The following FBXL17 variants were observed in gnomAD, a reference collection of about 807,000 sequenced individuals.
The protein encoded by FBXL17 is F-box and leucine rich repeat protein 17.
FBXL17 carries 22 observed loss-of-function variants against 66.2 expected under a neutral mutation model. The ratio of observed to expected loss-of-function variants is 0.33; its 90% CI spans 0.24 to 0.47. FBXL17 has a LOEUF of 0.47. FBXL17 is among the 20% of genes least tolerant of loss of function. The pLI, the probability that FBXL17 is intolerant of heterozygous loss-of-function variation, is 1.00. For synonymous variants in FBXL17, 474 were observed against 400.5 expected (o/e 1.18, Z -2.19); for missense variants, 878 against 948.2 (o/e 0.93, Z 0.97).
chr5:107,902,364 T>C (rs1749596001), intron 7 of FBXL17, among the ~76,000 whole-genome samples: 1 of 152,196 alleles, frequency 6.6e-6, no homozygotes, highest in Non-Finnish European at 1.5e-5. Context: ...ATACATTAAA[T>C]CAATAAATTA....
chr5:108,319,464 C>A (rs1349409268), intron 4 of FBXL17, among the ~76,000 whole-genome samples: 1 of 151,354 alleles, frequency 6.6e-6, no homozygotes, highest in Non-Finnish European at 1.5e-5. Flanking sequence ...AATGCATTAA[C>A]AAAAAAACAA....
intron 4 of FBXL17, among the ~76,000 whole-genome samples, chr5:108,238,272 A>G (rs978064795): frequency 6.6e-6 from 1 of 152,240 alleles, no homozygotes; most frequent in Non-Finnish European, 1.5e-5. Context: ...TTTTAAAAGA[A>G]ATCTAAAAGC....
intron 7 of FBXL17, among the ~76,000 whole-genome samples, chr5:108,017,745 A>T (rs1294058621): frequency 6.6e-6 from 1 of 152,194 alleles, no homozygotes; most frequent in African/African-American, 2.4e-5. Context: ...ATTTCTCTTT[A>T]GGGAGCAATT....
At chr5:108,144,130 A>G (rs1435584716) in intron 6 of FBXL17, among the ~76,000 whole-genome samples, 1 of 152,170 alleles carries the variant, frequency 6.6e-6, no homozygotes, top group Non-Finnish European at 1.5e-5. Context: ...CACTTAGACC[A>G]ACTTAAAAAG....
At chr5:108,070,611 G>A (rs1357405079) in intron 6 of FBXL17, among the ~76,000 whole-genome samples, 1 of 152,096 alleles carries the variant, frequency 6.6e-6, no homozygotes, top group African/African-American at 2.4e-5. Context: ...ACTGATTAGG[G>A]TAAACCAAAC....
At chr5:108,323,171 G>T (rs907470426) in intron 4 of FBXL17, among the ~76,000 whole-genome samples, 18 of 151,710 alleles carry the variant, frequency 1.2e-4, no homozygotes, top group Non-Finnish European at 2.9e-5. Flanking sequence ...AATTATCTCT[G>T]TTCACAGATG....
chr5:108,219,484 A>G (rs2922422), intron 5 of FBXL17, among the ~76,000 whole-genome samples: 117,432 of 151,976 alleles, frequency 0.77, 46,012 homozygotes, highest in East Asian at 0.93. Context: ...TCAGGAGTTC[A>G]AAACCAGCCT....
intron 6 of FBXL17, among the ~76,000 whole-genome samples, chr5:108,181,512 C>T (rs1026961639): frequency 3.9e-5 from 6 of 152,126 alleles, no homozygotes; most frequent in Non-Finnish European, 5.9e-5. Context: ...CCAGAAAATG[C>T]TAACAGACAC....
chr5:108,333,415 G>GTGCTAAGA (rs1264443962), intron 4 of FBXL17, among the ~76,000 whole-genome samples: 1 of 151,910 alleles, frequency 6.6e-6, no homozygotes, highest in Admixed American at 6.6e-5. Context: ...AAATGCTAAA[G>GTGCTAAGA]TGCTAAGATT....
intron 4 of FBXL17, among the ~76,000 whole-genome samples, chr5:108,282,967 G>A (rs1156286816): frequency 6.7e-6 from 1 of 149,014 alleles, no homozygotes; most frequent in African/African-American, 2.4e-5. Flanking sequence ...TCTCTGCAAG[G>A]AAAATTACAA....
At chr5:108,325,716 G>T (rs1347933162) in intron 4 of FBXL17, among the ~76,000 whole-genome samples, 1 of 152,060 alleles carries the variant, frequency 6.6e-6, no homozygotes, top group East Asian at 1.9e-4. Context: ...TAGAAGTCGT[G>T]GCATCTGACA....
intron 7 of FBXL17, among the ~76,000 whole-genome samples, chr5:107,950,681 C>G (rs137962353): frequency 6.6e-6 from 1 of 152,114 alleles, no homozygotes; most frequent in Non-Finnish European, 1.5e-5. Context: ...TGTTTTAGAG[C>G]TGGGTGAGAT....
chr5:107,889,077 T>C (rs1172112731), intron 7 of FBXL17, among the ~76,000 whole-genome samples: 1 of 152,174 alleles, frequency 6.6e-6, no homozygotes, highest in Non-Finnish European at 1.5e-5. Context: ...AATTTCCATT[T>C]CCCTAAGGAT....
chr5:108,365,660 G>T (rs1330661683), intron 2 of FBXL17, among the ~76,000 whole-genome samples: 2 of 152,060 alleles, frequency 1.3e-5, no homozygotes, highest in Non-Finnish European at 2.9e-5. Context: ...GTTTATAATT[G>T]GTCAGTGAGA....
At chr5:108,175,279 C>T (rs1233658550) in intron 6 of FBXL17, among the ~76,000 whole-genome samples, 1 of 152,140 alleles carries the variant, frequency 6.6e-6, no homozygotes, top group East Asian at 1.9e-4. Context: ...GATCCAGGTC[C>T]TCCTCACAAG....
chr5:107,907,041 G>T (rs754658225), intron 7 of FBXL17, among the ~76,000 whole-genome samples: 1 of 152,084 alleles, frequency 6.6e-6, no homozygotes, highest in South Asian at 2.1e-4. Context: ...TAATATCTTC[G>T]TAAAATAGAT....
At chr5:108,059,062 G>A (rs77684995) in intron 6 of FBXL17, among the ~76,000 whole-genome samples, 8,607 of 152,124 alleles carry the variant, frequency 0.057, 316 homozygotes, top group Non-Finnish European at 0.082. Context: ...GCAGTATTGC[G>A]GAACAAAGGC....
chr5:108,126,631 G>GTCTCTCTGTCTCTCTCTCTC (rs1554067313), intron 6 of FBXL17, among the ~76,000 whole-genome samples: 1 of 112,580 alleles, frequency 8.9e-6, no homozygotes, highest in African/African-American at 3.0e-5. Flanking sequence ...CTGTCTCTCT[G>GTCTCTCTGTCTCTCTCTCTC]TCTCTCTCTC....
chr5:108,222,668 G>C (rs1754917476), intron 5 of FBXL17, among the ~76,000 whole-genome samples: 1 of 135,924 alleles, frequency 7.4e-6, no homozygotes, highest in African/African-American at 2.7e-5. Context: ...AGATACTATG[G>C]CATCTTTTTT....
Sources: allele counts gnomAD v4.1 joint callset (sites outside exome capture counted in the v4.1 genomes callset), GRCh38; gene constraint gnomAD v4.1.1; transcripts MANE v1.5; gene names NCBI Gene and HGNC (gene_info 2026-07-23, HGNC 2026-07-21).